DCC: variants seen among roughly 807,000 people sequenced by gnomAD.
The protein encoded by DCC is DCC netrin 1 receptor, also known as netrin receptor DCC.
DCC carries 58 observed loss-of-function variants against 172.5 expected under a neutral mutation model. The ratio of observed to expected loss-of-function variants is 0.34; its 90% CI spans 0.27 to 0.42. The LOEUF (loss-of-function observed/expected upper bound fraction) is 0.42. Among genes scored for constraint, DCC ranks in the 10% least tolerant of loss-of-function variants. The pLI, the probability that DCC is intolerant of heterozygous loss-of-function variation, is 1.00. For missense variants in DCC, 1,740 were observed against 1,791.0 expected, an observed-to-expected ratio of 0.97 and a Z score of 0.51; for synonymous variants, 709 against 644.5, an observed-to-expected ratio of 1.10 and a Z score of -1.52.
intron 7 of DCC, among the ~76,000 whole-genome samples, chr18:53,068,894 C>A (rs117696980): frequency 6.6e-6 from 1 of 151,952 alleles, no homozygotes; most frequent in Admixed American, 6.6e-5. Flanking sequence ...AACCTGCCCC[C>A]AGTGTCTGAG....
At chr18:52,624,952 GT>G (rs774666832) in intron 1 of DCC, among the ~76,000 whole-genome samples, 6 of 152,124 alleles carry the variant, frequency 3.9e-5, no homozygotes, top group Non-Finnish European at 8.8e-5. Flanking sequence ...TGATTTGGTT[GT>G]TGTGTAAACA....
At chr18:53,172,566 T>C (rs2055029588) in intron 8 of DCC, among the ~76,000 whole-genome samples, 1 of 152,200 alleles carries the variant, frequency 6.6e-6, no homozygotes, top group Admixed American at 6.5e-5. Context: ...GTTTATTTAG[T>C]ATTTGTAAGA....
chr18:53,155,814 G>C (rs2054722399), intron 7 of DCC, among the ~76,000 whole-genome samples: 1 of 152,240 alleles, frequency 6.6e-6, no homozygotes, highest in African/African-American at 2.4e-5. Flanking sequence ...ATCATCTGAG[G>C]TCAGGAGATC....
intron 12 of DCC, among the ~76,000 whole-genome samples, chr18:53,285,800 G>A (rs1353595309): frequency 1.3e-5 from 2 of 152,200 alleles, no homozygotes; most frequent in African/African-American, 4.8e-5. Context: ...AGCCACAGGG[G>A]TAGAGCTGCC....
chr18:53,459,198 G>A, intron 23 of DCC, 34 bp from the exon 24 acceptor site: 17 of 1,503,714 alleles, frequency 1.1e-5, no homozygotes, highest in Non-Finnish European at 1.6e-5. Flanking sequence ...TTGAATAGAG[G>A]TTCTCACATT....
At chr18:52,758,219 T>C (rs2037106058) in intron 2 of DCC, among the ~76,000 whole-genome samples, 2 of 152,200 alleles carry the variant, frequency 1.3e-5, no homozygotes, top group South Asian at 4.1e-4. Context: ...CAGCATATAA[T>C]TTTTAAAATA....
chr18:53,263,508 A>G (rs1259454573), intron 12 of DCC, among the ~76,000 whole-genome samples: 1 of 152,166 alleles, frequency 6.6e-6, no homozygotes, highest in African/African-American at 2.4e-5. Context: ...TGTTTTATGC[A>G]TTATTTTTAG....
chr18:52,859,259 A>T (rs1175922609), intron 2 of DCC, among the ~76,000 whole-genome samples: 1 of 152,186 alleles, frequency 6.6e-6, no homozygotes, highest in East Asian at 1.9e-4. Flanking sequence ...TGCTTTGTTG[A>T]GGACTAATGG....
intron 7 of DCC, among the ~76,000 whole-genome samples, chr18:53,095,792 C>CTTT (rs71175552): frequency 0.057 from 7,198 of 126,074 alleles, 272 homozygotes; most frequent in Non-Finnish European, 0.076. Context: ...ATATGGATAT[C>CTTT]TTTTTTTTTT....
chr18:52,765,336 C>T (rs1380926158), intron 2 of DCC, among the ~76,000 whole-genome samples: 1 of 151,970 alleles, frequency 6.6e-6, no homozygotes, highest in African/African-American at 2.4e-5. Flanking sequence ...TAAGCCACTG[C>T]ACCCAGACTC....
At chr18:52,416,294 T>C (rs1448270054) in intron 1 of DCC, among the ~76,000 whole-genome samples, 1 of 151,976 alleles carries the variant, frequency 6.6e-6, no homozygotes, top group Non-Finnish European at 1.5e-5. Context: ...TACTTCCAAG[T>C]ATGTGGTCAA....
chr18:52,535,373 C>T (rs567082117), intron 1 of DCC, among the ~76,000 whole-genome samples: 3 of 152,258 alleles, frequency 2.0e-5, no homozygotes, highest in African/African-American at 4.8e-5. Context: ...CCAAACTGAA[C>T]GTGAGAGAAG....
intron 27 of DCC, among the ~76,000 whole-genome samples, chr18:53,521,060 G>A (rs896079774): frequency 6.6e-6 from 1 of 151,968 alleles, no homozygotes; most frequent in East Asian, 1.9e-4. Flanking sequence ...AAGGTCATTC[G>A]ATGAGCTCCA....
At chr18:52,565,880 G>A (rs2033149314) in intron 1 of DCC, among the ~76,000 whole-genome samples, 1 of 152,126 alleles carries the variant, frequency 6.6e-6, no homozygotes, top group Admixed American at 6.6e-5. Flanking sequence ...TGTTGCCATT[G>A]CTTTTGGTGT....
chr18:52,825,407 C>T (rs2038492575), intron 2 of DCC, among the ~76,000 whole-genome samples: 2 of 152,218 alleles, frequency 1.3e-5, no homozygotes, highest in South Asian at 4.2e-4. Flanking sequence ...ACTCCTATTC[C>T]TCTTAAATTT....
intron 1 of DCC, among the ~76,000 whole-genome samples, chr18:52,505,925 G>T (rs552471680): frequency 6.6e-6 from 1 of 152,032 alleles, no homozygotes; most frequent in African/African-American, 2.4e-5. Flanking sequence ...AAAAAAGGTC[G>T]TTTATAAAAA....
chr18:53,011,754 T>C (rs2041734093), intron 5 of DCC, among the ~76,000 whole-genome samples: 1 of 151,774 alleles, frequency 6.6e-6, no homozygotes, highest in Non-Finnish European at 1.5e-5. Context: ...CTCAATTTTT[T>C]TTTTCTACCA....
chr18:52,480,348 G>A (rs1434219082), intron 1 of DCC, among the ~76,000 whole-genome samples: 1 of 152,078 alleles, frequency 6.6e-6, no homozygotes, highest in African/African-American at 2.4e-5. Context: ...TTATTAAAGT[G>A]AGACAAACAA....
At chr18:53,032,979 C>CTTAA (rs1211698401) in intron 5 of DCC, among the ~76,000 whole-genome samples, 2 of 152,150 alleles carry the variant, frequency 1.3e-5, no homozygotes, top group East Asian at 3.9e-4. Context: ...CATAAAGACT[C>CTTAA]TTAATGAGTT....
Sources: allele counts gnomAD v4.1 joint callset (sites outside exome capture counted in the v4.1 genomes callset), GRCh38; gene constraint gnomAD v4.1.1; transcripts MANE v1.5; gene names NCBI Gene and HGNC (gene_info 2026-07-23, HGNC 2026-07-21).